KCNMA1: variants seen among roughly 807,000 people sequenced by gnomAD.
KCNMA1 encodes Calcium-activated potassium channel subunit alpha-1.
KCNMA1 carries 29 observed loss-of-function variants against 140.0 expected under a neutral mutation model. The observed-to-expected ratio is 0.21, with a 90% CI of 0.15 to 0.28. The LOEUF (loss-of-function observed/expected upper bound fraction) is 0.28. Among genes scored for constraint, KCNMA1 ranks in the 10% least tolerant of loss-of-function variants. The pLI, the probability that KCNMA1 is intolerant of heterozygous loss-of-function variation, is 1.00. For synonymous variants in KCNMA1, 612 were observed against 611.9 expected, an observed-to-expected ratio of 1.00 and a Z score of 0.00; for missense variants, 880 against 1,602.2, an observed-to-expected ratio of 0.55 and a Z score of 7.70.
At chr10:77,034,197 T>A (rs1003785085) in intron 15 of KCNMA1, among the ~76,000 whole-genome samples, 4 of 138,464 alleles carry the variant, frequency 2.9e-5, no homozygotes, top group Admixed American at 8.0e-5. Flanking sequence ...TGAGCTAAGA[T>A]CACACCACTG....
At chr10:77,195,249 T>A (rs1433308159) in intron 3 of KCNMA1, among the ~76,000 whole-genome samples, 1 of 152,170 alleles carries the variant, frequency 6.6e-6, no homozygotes, top group Non-Finnish European at 1.5e-5. Flanking sequence ...GGAGTTTTGT[T>A]GAGAGCCTAG....
Position 77,403,976 on chromosome 10 carries a change from G to C in KCNMA1, c.426C>G (p.Leu142=). ...NNGSSQADGT[L]KPVDEKEEAV... The stretch of plus-strand genomic sequence containing the variant: ...CCTCCTCTTTTTCATCCACTGGTTT[G>C]AGAGTGCCATCCGCCTGGCTTGAGC... Residue 142 remains leucine, a synonymous_variant, in exon 2 of 28, where the codon CTC becomes CTG. Coordinates refer to ENST00000286628, the MANE Select transcript of KCNMA1 (RefSeq NM_001161352.2). The C allele has an allele frequency of 6.2e-7, 1 of 1,614,174 alleles. No homozygotes were observed. The highest frequency in any genetic ancestry group is 1.6e-4 in the Middle Eastern group (1 of 6,062).
At chr10:77,275,593 C>T (rs989008901) in intron 2 of KCNMA1, among the ~76,000 whole-genome samples, 1 of 152,202 alleles carries the variant, frequency 6.6e-6, no homozygotes, top group Admixed American at 6.5e-5. Flanking sequence ...CCTTCCATTG[C>T]CATAGTCCCA....
chr10:77,157,800 C>T (rs1173780849), intron 5 of KCNMA1, among the ~76,000 whole-genome samples: 1 of 152,176 alleles, frequency 6.6e-6, no homozygotes, highest in Non-Finnish European at 1.5e-5. Flanking sequence ...TGTCTCCAAG[C>T]CCCACTGCCT....
At chr10:77,035,523 AT>A (rs1231063505) in intron 15 of KCNMA1, among the ~76,000 whole-genome samples, 1 of 152,202 alleles carries the variant, frequency 6.6e-6, no homozygotes, top group Non-Finnish European at 1.5e-5. Flanking sequence ...ATTTGTTGGC[AT>A]TTGTAAGTAT....
intron 2 of KCNMA1, among the ~76,000 whole-genome samples, chr10:77,296,912 C>G (rs817988): frequency 0.46 from 61,888 of 134,070 alleles, 15,183 homozygotes; most frequent in Non-Finnish European, 0.57. Context: ...GGTGTGTGGG[C>G]GGGGGGGCGG....
At chr10:77,094,726 G>T (rs1163898548) in intron 9 of KCNMA1, among the ~76,000 whole-genome samples, 1 of 152,014 alleles carries the variant, frequency 6.6e-6, no homozygotes, top group Non-Finnish European at 1.5e-5. Flanking sequence ...TTAGAGACAG[G>T]GTATTGCTCT....
At chr10:76,971,974 GGT>G (rs57558756) in intron 19 of KCNMA1, among the ~76,000 whole-genome samples, 78 of 148,682 alleles carry the variant, frequency 5.2e-4, no homozygotes, top group African/African-American at 1.1e-3. Flanking sequence ...AGGGTGTGTG[GGT>G]GTGTGTGTGT....
intron 2 of KCNMA1, among the ~76,000 whole-genome samples, chr10:77,322,207 A>G (rs199868489): frequency 6.6e-6 from 1 of 152,298 alleles, no homozygotes; most frequent in East Asian, 1.9e-4. Flanking sequence ...GGAGGGACAT[A>G]TATTATTTCT....
chr10:77,038,305 C>T (rs904954318), intron 15 of KCNMA1, among the ~76,000 whole-genome samples: 4 of 152,100 alleles, frequency 2.6e-5, no homozygotes, highest in African/African-American at 9.7e-5. Context: ...AGTTTTGTTT[C>T]GATGTCTTCA....
At chr10:77,532,478 G>T (rs2057892900) in intron 1 of KCNMA1, among the ~76,000 whole-genome samples, 1 of 152,236 alleles carries the variant, frequency 6.6e-6, no homozygotes. Flanking sequence ...TGGGTGGGAA[G>T]GAGGTAGGGT....
At chr10:76,908,353 C>T (rs1269380781) in intron 25 of KCNMA1, among the ~76,000 whole-genome samples, 2 of 152,194 alleles carry the variant, frequency 1.3e-5, no homozygotes, top group Non-Finnish European at 2.9e-5. Context: ...GAGCCCTTTT[C>T]CAAGGACCAT....
chr10:76,887,285 A>G lies in KCNMA1; in HGVS notation c.3692T>C (p.Val1231Ala), dbSNP rs1564709525. The G allele has an allele frequency of 1.2e-6, 2 of 1,614,076 alleles. No homozygotes were observed. The highest frequency in any genetic ancestry group is 1.7e-6 in the Non-Finnish European group (2 of 1,180,012). Residue 1231 changes from valine (V) to alanine (A), a missense_variant, in exon 28 of 28, where the codon GTG (valine) becomes GCG (alanine). Transcript: ENST00000286628. The stretch of plus-strand genomic sequence containing the variant: ...CACATATCAAAGCCGCTCTTCCTGC[A>G]CGTACTTCTGTTTGTCCCGGGACTC... ...SRESRDKQKY[V>A]QEERL
intron 14 of KCNMA1, among the ~76,000 whole-genome samples, chr10:77,059,489 A>G (rs899221454): frequency 6.6e-6 from 1 of 152,150 alleles, no homozygotes; most frequent in Non-Finnish European, 1.5e-5. Context: ...AACATGTATA[A>G]GAAATAATCA....
chr10:77,527,388 A>G (rs978291432), intron 1 of KCNMA1, among the ~76,000 whole-genome samples: 2 of 152,228 alleles, frequency 1.3e-5, no homozygotes, highest in Non-Finnish European at 2.9e-5. Flanking sequence ...ATGGAGTATC[A>G]TCTGTGGGGG....
intron 1 of KCNMA1, among the ~76,000 whole-genome samples, chr10:77,576,435 T>C (rs1254427051): frequency 1.3e-5 from 2 of 152,234 alleles, no homozygotes; most frequent in South Asian, 4.1e-4. Flanking sequence ...CCTCTTGCTA[T>C]GTCACAACAA....
chr10:77,008,143 G>A (rs1314705703), intron 18 of KCNMA1: 2 of 1,523,764 alleles, frequency 1.3e-6, no homozygotes, highest in Non-Finnish European at 1.8e-6. Flanking sequence ...AGAAAGACAG[G>A]GGGAACTGGA....
At chr10:76,942,819 TC>T (rs1299075106) in intron 23 of KCNMA1, among the ~76,000 whole-genome samples, 2 of 152,118 alleles carry the variant, frequency 1.3e-5, no homozygotes, top group Admixed American at 6.5e-5. Flanking sequence ...AAAGGGAGAA[TC>T]ATTGCTTTCA....
intron 2 of KCNMA1, among the ~76,000 whole-genome samples, chr10:77,274,194 C>T (rs977271852): frequency 2.0e-5 from 3 of 152,106 alleles, no homozygotes; most frequent in Admixed American, 2.0e-4. Flanking sequence ...CTGATTATAG[C>T]CTCCAGATAT....
Sources: gnomAD v4.1 joint callset for allele counts (sites outside exome capture counted in the v4.1 genomes callset) on GRCh38, gnomAD v4.1.1 for gene constraint, MANE v1.5 for transcripts, NCBI Gene and HGNC (gene_info 2026-07-23, HGNC 2026-07-21) for gene names.